Variants in JPH3 observed in about 807,000 individuals in gnomAD.
The protein encoded by JPH3 is junctophilin 3.
JPH3 carries 11 observed loss-of-function variants against 59.6 expected under a neutral mutation model. The observed-to-expected ratio is 0.18, with a 90% CI of 0.12 to 0.31. The LOEUF is 0.31. Ranked by LOEUF, JPH3 falls within the 10% of genes least tolerant of loss-of-function variation. JPH3 has a pLI of 1.00. For synonymous variants in JPH3, 673 were observed against 483.6 expected, an observed-to-expected ratio of 1.39 and a Z score of -5.14; for missense variants, 1,202 against 1,105.7, an observed-to-expected ratio of 1.09 and a Z score of -1.24.
chr16:87,681,256 T>C (rs1597287041), intron 2 of JPH3, among the ~76,000 whole-genome samples: 1 of 138,938 alleles, frequency 7.2e-6, no homozygotes, highest in African/African-American at 2.8e-5. Context: ...TTCCAGAAGG[T>C]CACGTGCGCG....
intron 2 of JPH3, among the ~76,000 whole-genome samples, chr16:87,659,853 C>G (rs527919111): frequency 1.3e-5 from 2 of 152,304 alleles, no homozygotes; most frequent in South Asian, 4.1e-4. Context: ...AAATGACACC[C>G]TGGACCCTTG....
At chr16:87,678,973 A>G (rs1483438886) in intron 2 of JPH3, among the ~76,000 whole-genome samples, 2 of 151,916 alleles carry the variant, frequency 1.3e-5, no homozygotes, top group Non-Finnish European at 2.9e-5. Context: ...GACCGTGAGA[A>G]AAGGAGTGAG....
chr16:87,665,166 C>T (rs2032822874), intron 2 of JPH3, among the ~76,000 whole-genome samples: 1 of 152,132 alleles, frequency 6.6e-6, no homozygotes, highest in African/African-American at 2.4e-5. Flanking sequence ...TGCCCCTGGG[C>T]GGAGAAGCCA....
At chr16:87,636,781 G>A (rs952154318) in intron 1 of JPH3, among the ~76,000 whole-genome samples, 2 of 152,340 alleles carry the variant, frequency 1.3e-5, no homozygotes, top group East Asian at 1.9e-4. Flanking sequence ...ACACTGTGCC[G>A]GGAGGCATGG....
intron 1 of JPH3, among the ~76,000 whole-genome samples, chr16:87,635,494 C>G (rs1273985232): frequency 6.6e-6 from 1 of 152,200 alleles, no homozygotes; most frequent in Non-Finnish European, 1.5e-5. Context: ...AGGGCTCTGG[C>G]TTTCGGACCC....
At chr16:87,640,431 C>T (rs1005052453) in intron 1 of JPH3, among the ~76,000 whole-genome samples, 1 of 151,794 alleles carries the variant, frequency 6.6e-6, no homozygotes, top group East Asian at 1.9e-4. Flanking sequence ...TGCTCTGTCG[C>T]CCAGGCTGGA....
intron 2 of JPH3, among the ~76,000 whole-genome samples, chr16:87,662,382 G>A (rs1384258164): frequency 2.6e-5 from 4 of 152,078 alleles, no homozygotes; most frequent in Non-Finnish European, 5.9e-5. Flanking sequence ...CAAAAGGACA[G>A]CCGGATTTTC....
intron 1 of JPH3, among the ~76,000 whole-genome samples, chr16:87,621,631 GCAGGCAGC>G (rs1273915035): frequency 1.3e-5 from 2 of 152,242 alleles, no homozygotes. Flanking sequence ...GACGGTGGAT[GCAGGCAGC>G]CAAGCCCCCG....
intron 1 of JPH3, among the ~76,000 whole-genome samples, chr16:87,622,815 G>T (rs941037732): frequency 3.3e-5 from 5 of 152,138 alleles, no homozygotes; most frequent in African/African-American, 1.2e-4. Context: ...CGTGGGCTGG[G>T]GCTGGGGGGC....
rs925358410 is a variant in JPH3, at chr16:87,611,508, T to C, written c.382+7980T>C. Among the ~76,000 whole-genome samples, 2 of 152,148 alleles carry C rather than the reference T, an allele frequency of 1.3e-5. No individual in the cohort carries two copies. Among genetic ancestry groups the C allele is most frequent in the Non-Finnish European group, 2.9e-5 (2 of 68,020 alleles). On this transcript the variant is annotated intron_variant, in intron 1 of 4. Transcript: ENST00000284262. This position sits in a 1 kb window ranked among gnomAD's most constrained non-coding sequence, Gnocchi z 4.5. ...TTCTCAACATGTGCCATCTCCCTCC[T>C]ACCTATGAATGTCACGGGTATTGTT... is the stretch of plus-strand genomic sequence containing the variant.
chr16:87,604,360 C>T (rs1265891937), intron 1 of JPH3: 8 of 1,447,158 alleles, frequency 5.5e-6, no homozygotes, highest in African/African-American at 1.4e-5. Context: ...GAACCTTGGC[C>T]GGCTCTGCAG....
chr16:87,604,413 A>C, intron 1 of JPH3: 4 of 1,408,386 alleles, frequency 2.8e-6, no homozygotes, highest in Non-Finnish European at 3.7e-6. Context: ...TCCTCAGTGC[A>C]CCTGACACGC....
chr16:87,683,138 T>C (rs1379742280), intron 2 of JPH3, among the ~76,000 whole-genome samples: 2 of 152,064 alleles, frequency 1.3e-5, no homozygotes, highest in East Asian at 3.9e-4. Context: ...CAAGTCAGAG[T>C]TGCTGGGATT....
intron 4 of JPH3, chr16:87,695,736 C>G: frequency 2.2e-6 from 1 of 456,072 alleles, no homozygotes. Context: ...CTCCCCCTGC[C>G]TGGTGTGAGC....
rs149138709 is a variant in JPH3, at chr16:87,616,777, C to T, written c.382+13249C>T. On this transcript the variant is annotated intron_variant, in intron 1 of 4. Transcript: ENST00000284262. ...TGTGTTGCCCTTTTGTAGCCATACC[C>T]GCTGCCCTGGCAGCCTCTGAGCTGT... Among the ~76,000 whole-genome samples the T allele has an allele frequency of 6.0e-3, 912 of 152,302 alleles. 11 individuals are homozygous for T. Among genetic ancestry groups the T allele is most frequent in the African/African-American group, 0.02 (851 of 41,576 alleles).
chr16:87,630,664 G>A (rs1054754131), intron 1 of JPH3, among the ~76,000 whole-genome samples: 1 of 152,168 alleles, frequency 6.6e-6, no homozygotes, highest in Non-Finnish European at 1.5e-5. Context: ...CATAGTTTAA[G>A]GTGACATTTG....
At chr16:87,630,133 A>G (rs554346829) in intron 1 of JPH3, among the ~76,000 whole-genome samples, 1 of 152,200 alleles carries the variant, frequency 6.6e-6, no homozygotes, top group African/African-American at 2.4e-5. Flanking sequence ...TCCCCACAGC[A>G]CAGATTGGTG....
At chr16:87,631,402 C>T (rs751525400) in intron 1 of JPH3, among the ~76,000 whole-genome samples, 32 of 152,262 alleles carry the variant, frequency 2.1e-4, no homozygotes, top group Middle Eastern at 3.4e-3. Flanking sequence ...TAATTTGGGG[C>T]GGTGGGGGTG....
intron 4 of JPH3, chr16:87,696,274 G>A (rs533825528): frequency 2.1e-4 from 103 of 493,216 alleles, no homozygotes; most frequent in African/African-American, 1.9e-3. Flanking sequence ...AGGCCTGGGT[G>A]GTTCTCTCCA....
Sources: allele counts gnomAD v4.1 joint callset (sites outside exome capture counted in the v4.1 genomes callset), GRCh38; gene constraint gnomAD v4.1.1; non-coding constraint Gnocchi (gnomAD v3.1); transcripts MANE v1.5; gene names NCBI Gene and HGNC (gene_info 2026-07-23, HGNC 2026-07-21).